DDIAS: variants seen among roughly 807,000 people sequenced by gnomAD.
The protein encoded by DDIAS is DNA damage-induced apoptosis suppressor protein.
DDIAS carries 14 observed loss-of-function variants against 15.7 expected under a neutral mutation model. The ratio of observed to expected loss-of-function variants is 0.89; its 90% CI spans 0.59 to 1.39. The LOEUF (loss-of-function observed/expected upper bound fraction) is 1.39. Among genes scored for constraint, DDIAS ranks in the 40% most tolerant of loss-of-function variants. The pLI, the probability that DDIAS is intolerant of heterozygous loss-of-function variation, is 0.00. For missense variants in DDIAS, 1,035 were observed against 1,130.9 expected (o/e 0.92, Z 1.22); for synonymous variants, 355 against 395.9 (o/e 0.90, Z 1.23).
At chr11:82,907,735 C>T (rs1314196575) in intron 1 of DDIAS, among the ~76,000 whole-genome samples, 2 of 152,196 alleles carry the variant, frequency 1.3e-5, no homozygotes, top group African/African-American at 4.8e-5. Context: ...GAGATGAGTT[C>T]TTGCTGTGTT....
intron 3 of DDIAS, among the ~76,000 whole-genome samples, chr11:82,926,105 TGAGACAGG>T (rs1860856537): frequency 6.6e-6 from 1 of 151,094 alleles, no homozygotes; most frequent in Non-Finnish European, 1.5e-5. Context: ...TTTTTTTTTT[TGAGACAGG>T]GTCTGGCTCT....
chr11:82,916,514 C>A lies in DDIAS; in HGVS notation c.113+1663C>A, dbSNP rs1185859432. Among the ~76,000 whole-genome samples, 3 of 152,122 alleles carry A rather than the reference C, an allele frequency of 2.0e-5. No homozygotes were observed. The East Asian group carries it at 5.8e-4, about 29-fold the overall frequency. On this transcript the variant is annotated intron_variant, in intron 3 of 5. Transcript: ENST00000533655. ...GGATCAAATAGGTTAATATACATAA[C>A]ATGCCTAGAACATTGTCTGATACAT...
At chr11:82,928,400 C>T (rs574120247) in intron 3 of DDIAS, among the ~76,000 whole-genome samples, 107 of 151,550 alleles carry the variant, frequency 7.1e-4, no homozygotes, top group Non-Finnish European at 1.3e-3. Context: ...AGGGTTTTAC[C>T]GTGTTAGCTA....
At chr11:82,907,351 AT>A (rs1860451252) in intron 1 of DDIAS, among the ~76,000 whole-genome samples, 1 of 152,220 alleles carries the variant, frequency 6.6e-6, no homozygotes, top group African/African-American at 2.4e-5. Context: ...GACAAAACAA[AT>A]GGTAGGACTA....
Position 82,930,196 on chromosome 11 carries a change from C to T in DDIAS, c.315C>T (p.Asp105=). 1 of 1,601,338 alleles carries T rather than the reference C, an allele frequency of 6.2e-7. No homozygotes were observed. Among genetic ancestry groups the T allele is most frequent in the Non-Finnish European group, 8.5e-7 (1 of 1,172,766 alleles). Residue 105 remains aspartate (D), a synonymous_variant, in exon 5 of 6, where the codon GAC becomes GAT. Coordinates refer to ENST00000533655, the MANE Select transcript of DDIAS (RefSeq NM_145018.4). The part of the protein sequence containing the change: ...QDPNKIPETL[D]NDTTQNLLTK... ...CTAATAAAATTCCAGAAACACTGGA[C>T]AATGATACAACTCAGAATCTATTAA...
chr11:82,932,460 G>C lies in DDIAS; in HGVS notation c.1122G>C (p.Gln374His), dbSNP rs1263668455. Residue 374 changes from glutamine to histidine, a missense_variant, in exon 6 of 6, where the codon CAG becomes CAC. Gln to His is a conservative substitution (Grantham distance 24). Transcript: ENST00000533655. Reference sequence around the variant, plus strand: ...CCCAGCATGAGCTACCATGTTTTCAGCATCATGGTATAGATACCCCAACTA... The same window carrying C: ...CCCAGCATGAGCTACCATGTTTTCACCATCATGGTATAGATACCCCAACTA... ...NRSQHELPCF[Q>H]HHGIDTPTSL... is the part of the protein sequence containing the mutation. 1 of 1,614,168 alleles carries C rather than the reference G, an allele frequency of 6.2e-7. No individual in the cohort carries two copies. The highest frequency in any genetic ancestry group is 8.5e-7 in the Non-Finnish European group (1 of 1,180,022).
In DDIAS at chr11:82,932,307, T is replaced by G; in HGVS notation, c.969T>G (p.Ser323Arg). 1 of 1,614,054 alleles carries G rather than the reference T, an allele frequency of 6.2e-7. No individual in the cohort carries two copies. The highest frequency in any genetic ancestry group is 8.5e-7 in the Non-Finnish European group (1 of 1,179,932). ...TTGGCTTACAAGCTAAGGAGCTGAG[T>G]GCAGTTCACAGCAGTCATCATGAAA... ...KELGLQAKELSAVHSSHHEIG... is the reference protein window; with the variant it reads ...KELGLQAKELRAVHSSHHEIG... Residue 323 changes from serine (S) to arginine (R), a missense_variant, in exon 6 of 6, where the codon AGT (serine) becomes AGG (arginine). Transcript: ENST00000533655.
At chr11:82,902,786 G>C (rs1463411989) in intron 1 of DDIAS, among the ~76,000 whole-genome samples, 1 of 152,172 alleles carries the variant, frequency 6.6e-6, no homozygotes, top group Non-Finnish European at 1.5e-5. Flanking sequence ...GGATCACAGA[G>C]CACCAAGTAA....
At chr11:82,930,458 G>A (rs10431163) in intron 5 of DDIAS, among the ~76,000 whole-genome samples, 184 bp downstream of exon 5, 81,606 of 151,930 alleles carry the variant, frequency 0.54, 22,803 homozygotes, top group African/African-American at 0.7. Context: ...TTCCTCTTTC[G>A]AAAGTCAGGG....
intron 1 of DDIAS, among the ~76,000 whole-genome samples, chr11:82,903,964 C>T (rs1295942140): frequency 6.6e-6 from 1 of 152,226 alleles, no homozygotes; most frequent in African/African-American, 2.4e-5. Flanking sequence ...TGGGCACAGT[C>T]TTGAAGCAAA....
At chr11:82,925,842 G>T (rs1023803029) in intron 3 of DDIAS, among the ~76,000 whole-genome samples, 1 of 151,914 alleles carries the variant, frequency 6.6e-6, no homozygotes, top group Non-Finnish European at 1.5e-5. Flanking sequence ...CAAAAAATTA[G>T]CTGGGTGTGG....
chr11:82,909,821 C>T (rs1331575665), intron 1 of DDIAS, among the ~76,000 whole-genome samples: 1 of 152,130 alleles, frequency 6.6e-6, no homozygotes, highest in East Asian at 1.9e-4. Context: ...TTAGGATTAG[C>T]GTTCTCTTTT....
chr11:82,913,524 CA>C (rs1252547350), intron 2 of DDIAS, 138 bp downstream of exon 2: 1 of 287,574 alleles, frequency 3.5e-6, no homozygotes, highest in Non-Finnish European at 6.8e-6. Context: ...AGATTACAGA[CA>C]TAAGCCACCA....
intron 1 of DDIAS, among the ~76,000 whole-genome samples, chr11:82,908,601 G>A (rs970965344): frequency 6.6e-6 from 1 of 152,112 alleles, no homozygotes; most frequent in East Asian, 1.9e-4. Context: ...AGGCCCCAGT[G>A]GACCAGACTA....
intron 3 of DDIAS, 82 bp downstream of exon 3, chr11:82,914,933 A>T (rs957118029): frequency 7.8e-6 from 7 of 898,208 alleles, no homozygotes; most frequent in Non-Finnish European, 1.2e-5. Flanking sequence ...CAAGGACCAG[A>T]TTTACCAAAC....
chr11:82,917,009 G>T (rs1201056734), intron 3 of DDIAS, among the ~76,000 whole-genome samples: 1 of 152,148 alleles, frequency 6.6e-6, no homozygotes, highest in Non-Finnish European at 1.5e-5. Flanking sequence ...AAGGACTTGT[G>T]ACTGGACCCT....
intron 2 of DDIAS, chr11:82,913,684 T>TA: frequency 2.3e-6 from 1 of 440,098 alleles, no homozygotes; most frequent in Non-Finnish European, 4.5e-6. Context: ...TGAAATCTAA[T>TA]AAAGTGATAT....
intron 1 of DDIAS, among the ~76,000 whole-genome samples, chr11:82,903,922 A>T (rs944478474): frequency 2.0e-5 from 3 of 152,242 alleles, no homozygotes; most frequent in African/African-American, 7.2e-5. Flanking sequence ...TTAGAAGTGG[A>T]ACTAGTTTTT....
chr11:82,934,415 A>G lies in DDIAS; in HGVS notation c.*80A>G. The G allele has an allele frequency of 7.2e-7, 1 of 1,379,354 alleles. No homozygotes were observed. Among genetic ancestry groups the G allele is most frequent in the East Asian group, 2.3e-5 (1 of 42,914 alleles). 85.4% of individuals were successfully genotyped at this position (1,379,354 alleles called of 1,614,324 possible). On this transcript the variant is annotated 3_prime_UTR_variant, in exon 6 of 6. Coordinates refer to ENST00000533655, the MANE Select transcript of DDIAS (RefSeq NM_145018.4). ...TTCAGGGGTACGGAAAGCATTCTTT[A>G]CATTTTGAACACTTGGAGAGAAGCA...
Sources: allele counts gnomAD v4.1 joint callset (sites outside exome capture counted in the v4.1 genomes callset), GRCh38; gene constraint gnomAD v4.1.1; transcripts MANE v1.5; gene names NCBI Gene and HGNC (gene_info 2026-07-23, HGNC 2026-07-21).